WHR1: variants seen among roughly 807,000 people sequenced by gnomAD.
The protein encoded by WHR1 is winged helix repair factor 1.
At chr6:31,971,234 A>G in the WHR1 span, 1 of 1,553,734 alleles carries the variant, frequency 6.4e-7, no homozygotes, top group East Asian at 2.3e-5. The surrounding 1 kb of genome is among the most constrained non-coding windows in gnomAD (Gnocchi z 4.5). Flanking sequence ...TCTTCTAAGG[A>G]CTGATTCTCA....
the WHR1 span, chr6:31,972,148 G>GGCGT: frequency 6.2e-7 from 1 of 1,612,936 alleles, no homozygotes; most frequent in South Asian, 1.1e-5. This position sits in a 1 kb window ranked among gnomAD's most constrained non-coding sequence, Gnocchi z 6.3. Context: ...CGAGTCCCCG[G>GGCGT]GCGTGCGTGC....
chr6:31,972,332 G>A, the WHR1 span: 1 of 1,613,162 alleles, frequency 6.2e-7, no homozygotes, highest in Non-Finnish European at 8.5e-7. This position sits in a 1 kb window ranked among gnomAD's most constrained non-coding sequence, Gnocchi z 6.3. Flanking sequence ...GTACGTCACT[G>A]CTCTGCGCCG....
At chr6:31,978,936 G>T in the WHR1 span, 1 of 1,612,606 alleles carries the variant, frequency 6.2e-7, no homozygotes, top group Non-Finnish European at 8.5e-7. Flanking sequence ...GATCAGAATC[G>T]TCCAGCTGGG....
chr6:31,980,569 G>A, the WHR1 span: 1 of 1,608,866 alleles, frequency 6.2e-7, no homozygotes, highest in Non-Finnish European at 8.5e-7. Flanking sequence ...TGCAGCTCAA[G>A]CCTGCAGCCC....
chr6:31,978,924 G>A, the WHR1 span: 2 of 1,612,754 alleles, frequency 1.2e-6, no homozygotes, highest in South Asian at 2.2e-5. Context: ...AGAGCAGGGG[G>A]AGATCAGAAT....
the WHR1 span, chr6:31,979,097 C>T: frequency 6.4e-6 from 8 of 1,252,758 alleles, no homozygotes; most frequent in South Asian, 1.3e-5. Context: ...AAAGAATTTC[C>T]CTGCCCCCAC....
At chr6:31,972,736 G>A in the WHR1 span, 2 of 1,612,828 alleles carry the variant, frequency 1.2e-6, no homozygotes, top group Non-Finnish European at 1.7e-6. This position sits in a 1 kb window ranked among gnomAD's most constrained non-coding sequence, Gnocchi z 6.3. Context: ...TGCCTGACAG[G>A]ACCGTGGCCG....
the WHR1 span, among the ~76,000 whole-genome samples, chr6:31,976,464 G>A: frequency 4.9e-4 from 74 of 151,082 alleles, no homozygotes; most frequent in Admixed American, 6.6e-4. Flanking sequence ...GGGCAAAGGC[G>A]CTCCCCACAT....
the WHR1 span, chr6:31,972,481 G>A: frequency 2.5e-6 from 4 of 1,612,744 alleles, no homozygotes; most frequent in Admixed American, 1.7e-5. The surrounding 1 kb of genome is among the most constrained non-coding windows in gnomAD (Gnocchi z 6.3). Context: ...GCGAGGGCCT[G>A]TGGAGTCGGA....
chr6:31,971,274 G>T, the WHR1 span: 2 of 1,537,728 alleles, frequency 1.3e-6, no homozygotes, highest in Non-Finnish European at 1.8e-6. The surrounding 1 kb of genome is among the most constrained non-coding windows in gnomAD (Gnocchi z 4.5). Context: ...AATTTTAGAG[G>T]GTAGGTACGG....
At chr6:31,979,498 AG>A in the WHR1 span, 5 of 1,612,942 alleles carry the variant, frequency 3.1e-6, no homozygotes, top group South Asian at 2.2e-5. Context: ...TGGGGACCTT[AG>A]TTTCCAGCAG....
At chr6:31,980,931 T>A in the WHR1 span, 8 of 754,920 alleles carry the variant, frequency 1.1e-5, no homozygotes, top group African/African-American at 1.8e-4. Context: ...GGAGCACCCC[T>A]TCCCAAGTTC....
chr6:31,980,554 C>A, the WHR1 span: 5 of 1,611,376 alleles, frequency 3.1e-6, no homozygotes, highest in South Asian at 1.1e-5. Flanking sequence ...TAAAGGTATC[C>A]CATCTGCAGC....
chr6:31,979,346 G>C, the WHR1 span: 1 of 1,597,860 alleles, frequency 6.3e-7, no homozygotes, highest in African/African-American at 1.3e-5. Context: ...GAGAAATGCT[G>C]TCCTGGGGGT....
chr6:31,971,835 C>T, the WHR1 span: 1 of 1,338,486 alleles, frequency 7.5e-7, no homozygotes, highest in South Asian at 1.5e-5. The surrounding 1 kb of genome is among the most constrained non-coding windows in gnomAD (Gnocchi z 4.5). Context: ...CTCATCCTGC[C>T]TCTTTCCTTG....
chr6:31,981,318 A>C, the WHR1 span: 16 of 52,438 alleles, frequency 3.1e-4, no homozygotes, highest in Non-Finnish European at 4.7e-4. Flanking sequence ...CTTTCGTGTA[A>C]AATGGTGCTG....
chr6:31,971,585 T>C, the WHR1 span: 4 of 1,613,866 alleles, frequency 2.5e-6, no homozygotes, highest in African/African-American at 4.0e-5. The surrounding 1 kb of genome is among the most constrained non-coding windows in gnomAD (Gnocchi z 4.5). Flanking sequence ...GCAGGGTCTG[T>C]GGGCAGAGAA....
At chr6:31,978,702 C>A in the WHR1 span, among the ~76,000 whole-genome samples, 1 of 152,170 alleles carries the variant, frequency 6.6e-6, no homozygotes, top group Non-Finnish European at 1.5e-5. Context: ...ATATATAAGG[C>A]AGGTGGATGA....
the WHR1 span, chr6:31,972,876 C>T: frequency 3.3e-6 from 5 of 1,508,554 alleles, no homozygotes; most frequent in Non-Finnish European, 4.5e-6. The surrounding 1 kb of genome is among the most constrained non-coding windows in gnomAD (Gnocchi z 6.3). Context: ...GGGCACTGTG[C>T]CAGGCACTGG....
Sources: gnomAD v4.1 joint callset for allele counts (sites outside exome capture counted in the v4.1 genomes callset) on GRCh38, gnomAD v4.1.1 for gene constraint, Gnocchi (gnomAD v3.1) non-coding constraint, MANE v1.5 for transcripts, NCBI Gene and HGNC (gene_info 2026-07-23, HGNC 2026-07-21) for gene names.